Variants in POGLUT2 observed in about 807,000 individuals in gnomAD.
The protein encoded by POGLUT2 is ER protein 58.
In POGLUT2, 47 loss-of-function variants were observed where a neutral mutation model predicts 57.6. That is an observed-to-expected ratio of 0.82 (90% CI 0.65 to 1.04). The LOEUF is 1.04. Among genes scored for constraint, POGLUT2 ranks in the 50% least tolerant of loss-of-function variants. The probability of loss-of-function intolerance (pLI) is 0.00; values close to 1 mark genes in which losing one functional copy is unlikely to be tolerated. For synonymous variants in POGLUT2, 200 were observed against 218.8 expected, an observed-to-expected ratio of 0.91 and a Z score of 0.76; for missense variants, 565 against 614.8, an observed-to-expected ratio of 0.92 and a Z score of 0.86.
chr13:102,784,559 C>A, intron 9 of POGLUT2, 47 bp from the exon 10 acceptor site: 1 of 1,201,108 alleles, frequency 8.3e-7, no homozygotes, highest in East Asian at 2.4e-5. Context: ...AAGTCTTACA[C>A]AAGTGAAGAA....
At position 102,798,792 on chromosome 13, in the gene POGLUT2, G is replaced by A; in HGVS notation, c.-122C>T. The stretch of plus-strand genomic sequence containing the variant: ...TCGCAGCAGCCAACGCGACTGCAAA[G>A]GTTGCCGCCCGGCGTGCAGGGCAGG... On this transcript the variant is annotated 5_prime_UTR_variant, in exon 1 of 10. Coordinates refer to ENST00000376004, the MANE Select transcript of POGLUT2 (RefSeq NM_024089.3). The A allele has an allele frequency of 9.4e-7, 1 of 1,063,140 alleles. No individual in the cohort carries two copies. Among genetic ancestry groups the A allele is most frequent in the Non-Finnish European group, 1.3e-6 (1 of 764,016 alleles). 65.9% of individuals were successfully genotyped at this position (1,063,140 alleles called of 1,614,324 possible).
rs182673411 is a variant in POGLUT2 at position 102,785,168 on chromosome 13, T to A, written c.1492-656A>T. Among the ~76,000 whole-genome samples the A allele has an allele frequency of 6.8e-3, 1,041 of 152,316 alleles. 3 individuals are homozygous for A. Among genetic ancestry groups the A allele is most frequent in the Non-Finnish European group, 0.011 (725 of 68,022 alleles). ...ACAGCCAAAATTCTGATTTGTAGCA[T>A]GTGCTGATTGTCATGGTGTAAATAC... On this transcript the variant is annotated intron_variant, in intron 9 of 9. Transcript: ENST00000376004.
intron 6 of POGLUT2, among the ~76,000 whole-genome samples, chr13:102,790,056 G>T (rs114980552): frequency 1.1e-4 from 16 of 152,206 alleles, no homozygotes; most frequent in African/African-American, 3.9e-4. Context: ...GCAGGATGGA[G>T]CACCCCTCCA....
rs1355167032 is a variant in POGLUT2 at position 102,793,749 on chromosome 13, C to G, written c.446G>C (p.Arg149Pro). Residue 149 changes from arginine (R) to proline (P), a missense_variant, in exon 3 of 10, where the codon CGG (arginine) becomes CCG (proline). Arg to Pro is a moderately radical substitution (Grantham distance 103, BLOSUM62 -2). Coordinates refer to ENST00000376004, the MANE Select transcript of POGLUT2 (RefSeq NM_024089.3). ...AATGGTTTCAGGGCAGTTCATCTCC[C>G]GTAGCCAGGCTGCACTATCTTGCAG... ...CPLQDSAAWL[R>P]EMNCPETIAQ... 2 of 1,614,162 alleles carry G rather than the reference C, an allele frequency of 1.2e-6. No individual in the cohort carries two copies. The highest frequency in any genetic ancestry group is 2.7e-5 in the African/African-American group (2 of 75,030).
At chr13:102,795,024 C>T (rs192515168) in intron 2 of POGLUT2, among the ~76,000 whole-genome samples, 4 of 147,272 alleles carry the variant, frequency 2.7e-5, no homozygotes, top group South Asian at 2.1e-4. Context: ...GAGGCTGAGG[C>T]GGGCGGATCA....
chr13:102,791,055 C>T lies in POGLUT2; in HGVS notation c.929G>A (p.Arg310Gln), dbSNP rs758968979. 6.8e-6 allele frequency: 11 copies of T among 1,614,064 alleles called. No individual in the cohort carries two copies. Among genetic ancestry groups the T allele is most frequent in the African/African-American group, 1.3e-5 (1 of 74,932 alleles). ...CTCGAGTCTCTCTTTGCGGCTGTCTCGCCCTCTCCAGACGGCAGTGGAATT... is the reference window on the plus strand; with the variant it reads ...CTCGAGTCTCTCTTTGCGGCTGTCTTGCCCTCTCCAGACGGCAGTGGAATT... ...SKNSTAVWRG[R>Q]DSRKERLELV... The change falls in exon 6 of 10, where the codon CGA (arginine) becomes CAA (glutamine). Residue 310 changes from arginine to glutamine, a missense_variant. Physicochemically the swap from Arg to Gln is conservative, Grantham distance 43. Coordinates refer to ENST00000376004, the MANE Select transcript of POGLUT2 (RefSeq NM_024089.3).
intron 4 of POGLUT2, 84 bp downstream of exon 4, chr13:102,793,257 G>A: frequency 1.8e-6 from 1 of 560,752 alleles, no homozygotes; most frequent in Non-Finnish European, 3.0e-6. Context: ...TACCCTGATA[G>A]TGTATAATTT....
intron 8 of POGLUT2, among the ~76,000 whole-genome samples, chr13:102,787,567 T>C (rs1877997969): frequency 1.3e-5 from 2 of 152,238 alleles, no homozygotes; most frequent in Non-Finnish European, 2.9e-5. Context: ...TGTAACTTTG[T>C]AGGATCAGAG....
chr13:102,784,503 C>A lies in POGLUT2; in HGVS notation c.1501G>T (p.Glu501Ter). The A allele has an allele frequency of 6.5e-7, 1 of 1,546,606 alleles. No individual in the cohort carries two copies. The highest frequency in any genetic ancestry group is 2.2e-5 in the East Asian group (1 of 44,454). ...CTCHRKKTKD[E>*]L ...AGAAGTTATTTTGCATATCAGAGTT[C>A]ATCTTTGGTCTGCAATTAAGAAGCA... Residue 501 changes from glutamate (E) to a stop codon, truncating the protein, a stop_gained, in exon 10 of 10, where the codon GAA becomes TAA. Transcript: ENST00000376004. LOFTEE classifies it high-confidence loss of function.
chr13:102,787,783 T>C (rs1398745422), intron 8 of POGLUT2, 51 bp downstream of exon 8: 1 of 967,790 alleles, frequency 1.0e-6, no homozygotes, highest in Non-Finnish European at 1.6e-6. Flanking sequence ...TTATTTGTTC[T>C]TAACATGTCT....
chr13:102,793,706 ATC>A lies in POGLUT2; in HGVS notation c.487_488del (p.Asp163SerfsTer34), dbSNP rs1878270914. The A allele has an allele frequency of 1.2e-6, 2 of 1,614,120 alleles. No individual in the cohort carries two copies. Among genetic ancestry groups the A allele is most frequent in the Non-Finnish European group, 1.7e-6 (2 of 1,179,970 alleles). Reference protein sequence around the residue: ...CPETIAQIQRDLAHFPAVDPE... With the variant: ...CPETIAQIQRXLAHFPAVDPE... The stretch of plus-strand genomic sequence containing the variant: ...GATCCACAGCAGGGAAATGTGCCAG[ATC>A]TCTCTGAATCTGAGCAATGGTTTCA... On this transcript the variant is annotated frameshift_variant, in exon 3 of 10. Transcript: ENST00000376004. LOFTEE classifies it high-confidence loss of function.
intron 4 of POGLUT2, chr13:102,792,049 A>G (rs1878202402): frequency 1.6e-6 from 2 of 1,289,374 alleles, no homozygotes; most frequent in Non-Finnish European, 2.0e-6. Flanking sequence ...TCATTTTCCC[A>G]TGGATTGACA....
intron 7 of POGLUT2, 52 bp from the exon 8 acceptor site, chr13:102,787,975 C>T: frequency 2.7e-6 from 3 of 1,123,912 alleles, no homozygotes; most frequent in South Asian, 1.4e-5. Flanking sequence ...TTTTCCCATG[C>T]AGGCATCTGC....
intron 8 of POGLUT2, 118 bp downstream of exon 8, chr13:102,787,716 C>T (rs1878003607): frequency 2.2e-6 from 1 of 462,272 alleles, no homozygotes; most frequent in Non-Finnish European, 3.7e-6. Context: ...TTTTCATCCA[C>T]AGAAGTATAT....
chr13:102,798,900 C>T lies in POGLUT2; in HGVS notation c.-230G>A. Reference sequence around the variant, plus strand: ...GAGGGTCCCCTGGCGTTCTGCTGTCCCGGCCGAGAACCGCGCTGCTCCTCT... The same window carrying T: ...GAGGGTCCCCTGGCGTTCTGCTGTCTCGGCCGAGAACCGCGCTGCTCCTCT... On this transcript the variant is annotated 5_prime_UTR_variant, in exon 1 of 10. Coordinates refer to ENST00000376004, the MANE Select transcript of POGLUT2 (RefSeq NM_024089.3). 1 of 480,232 alleles carries T rather than the reference C, an allele frequency of 2.1e-6. No homozygotes were observed. Among genetic ancestry groups the T allele is most frequent in the South Asian group, 3.7e-5 (1 of 26,802 alleles). The allele number at this position is 480,232 out of a possible 1,614,324, so 29.7% of individuals were successfully genotyped here.
At position 102,791,047 on chromosome 13, in the gene POGLUT2, G is replaced by A. The variant is rs1878147877; in HGVS notation, c.937C>T (p.Arg313Cys). The A allele has an allele frequency of 5.0e-6, 8 of 1,613,986 alleles. No homozygotes were observed. The highest frequency in any genetic ancestry group is 1.1e-5 in the South Asian group (1 of 91,090). The change falls in exon 6 of 10, where the codon CGC becomes TGC. Residue 313 changes from arginine to cysteine, a missense_variant. Coordinates refer to ENST00000376004, the MANE Select transcript of POGLUT2 (RefSeq NM_024089.3). The part of the protein sequence containing the change: ...STAVWRGRDS[R>C]KERLELVKLS... The stretch of plus-strand genomic sequence containing the variant: ...TTAACCAGCTCGAGTCTCTCTTTGC[G>A]GCTGTCTCGCCCTCTCCAGACGGCA...
chr13:102,795,592 G>A (rs1276048076), intron 2 of POGLUT2, among the ~76,000 whole-genome samples: 5 of 152,082 alleles, frequency 3.3e-5, no homozygotes, highest in African/African-American at 1.2e-4. Flanking sequence ...AGAAGCAAAA[G>A]TAATTCTCAA....
chr13:102,798,906 G>C lies in POGLUT2; in HGVS notation c.-236C>G. The C allele has an allele frequency of 2.1e-6, 1 of 475,882 alleles. No homozygotes were observed. The highest frequency in any genetic ancestry group is 3.7e-6 in the Non-Finnish European group (1 of 270,496). The allele number at this position is 475,882 out of a possible 1,614,324, so 29.5% of individuals were successfully genotyped here. On this transcript the variant is annotated 5_prime_UTR_variant, in exon 1 of 10. Transcript: ENST00000376004. The stretch of plus-strand genomic sequence containing the variant: ...CCCCTGGCGTTCTGCTGTCCCGGCC[G>C]AGAACCGCGCTGCTCCTCTCTCTCA...
chr13:102,793,805 C>T lies in POGLUT2; in HGVS notation c.390G>A (p.Gly130=), dbSNP rs1469871693. 1.2e-6 allele frequency: 2 copies of T among 1,613,514 alleles called. No homozygotes were observed. Among genetic ancestry groups the T allele is most frequent in the Non-Finnish European group, 8.5e-7 (1 of 1,179,446 alleles). ...HVAKSPYILK[G]PVYHENCDCP... The stretch of plus-strand genomic sequence containing the variant: ...AGTCACAGTTCTCATGGTAAACCGG[C>T]CCTATTTACATAAGAATAACAAAGT... The change falls in exon 3 of 10, where the codon GGG becomes GGA. Residue 130 remains glycine (G), a splice_region_variant and synonymous_variant. Coordinates refer to ENST00000376004, the MANE Select transcript of POGLUT2 (RefSeq NM_024089.3).
Sources: gnomAD v4.1 joint callset for allele counts (sites outside exome capture counted in the v4.1 genomes callset) on GRCh38, gnomAD v4.1.1 for gene constraint, MANE v1.5 for transcripts, NCBI Gene and HGNC (gene_info 2026-07-23, HGNC 2026-07-21) for gene names.